Variants in IGSF9B observed in about 807,000 individuals in gnomAD.
The protein encoded by IGSF9B is protein turtle homolog B.
A neutral mutation model predicts 143.7 loss-of-function variants in IGSF9B; 48 were observed. The observed-to-expected ratio is 0.33, with a 90% confidence interval of 0.26 to 0.42. IGSF9B has a LOEUF of 0.42. Ranked by LOEUF, IGSF9B falls within the 20% of genes least tolerant of loss-of-function variation. The pLI, the probability that IGSF9B is intolerant of heterozygous loss-of-function variation, is 1.00. For synonymous variants in IGSF9B, 903 were observed against 833.1 expected (o/e 1.08, Z -1.44); for missense variants, 1,706 against 1,980.0 (o/e 0.86, Z 2.63).
chr11:133,934,817 C>T (rs781305900), intron 7 of IGSF9B, among the ~76,000 whole-genome samples: 44 of 152,206 alleles, frequency 2.9e-4, no homozygotes, highest in Non-Finnish European at 5.1e-4. Context: ...CACTCCCTGT[C>T]GCTGGGTGTG....
At chr11:133,929,469 C>T (rs1304910916) in intron 12 of IGSF9B, among the ~76,000 whole-genome samples, 1 of 152,156 alleles carries the variant, frequency 6.6e-6, no homozygotes, top group African/African-American at 2.4e-5. Context: ...GGGACACAGC[C>T]ATGCCCAGAG....
intron 1 of IGSF9B, among the ~76,000 whole-genome samples, chr11:133,946,521 A>C (rs1940055112): frequency 6.6e-6 from 1 of 150,418 alleles, no homozygotes; most frequent in Non-Finnish European, 1.5e-5. Flanking sequence ...CATTCTCTTC[A>C]GCCCTACACG....
rs762856279 is a variant in IGSF9B, at chr11:133,920,284, C to T, written c.3441G>A (p.Leu1147=). Residue 1147 remains leucine, a synonymous_variant, in exon 18 of 20, where the codon CTG becomes CTA. Transcript: ENST00000533871. Reference sequence around the variant, plus strand: ...CCGGCTCAGCCGGCTCGGGGTAAGGCAGCACAGGTATGCCCATGCCTTGGC... The same window carrying T: ...CCGGCTCAGCCGGCTCGGGGTAAGGTAGCACAGGTATGCCCATGCCTTGGC... ...HTSQGMGIPV[L]PYPEPAEPGA... is the part of the protein sequence containing the mutation. 2.7e-5 allele frequency: 41 copies of T among 1,534,876 alleles called. No homozygotes were observed. The highest frequency in any genetic ancestry group is 1.1e-5 in the Non-Finnish European group (13 of 1,140,742).
At chr11:133,935,254 C>T (rs1459624698) in intron 7 of IGSF9B, among the ~76,000 whole-genome samples, 1 of 152,222 alleles carries the variant, frequency 6.6e-6, no homozygotes, top group Non-Finnish European at 1.5e-5. Context: ...CATAAGACAC[C>T]TGAGAAAAGA....
At position 133,898,000 on chromosome 11, in the gene IGSF9B, G is replaced by GA. The variant is rs1939048189; in HGVS notation, c.*11068dup. 1.3e-5 allele frequency: 2 copies of GA among 152,220 alleles called. No homozygotes were observed. The highest frequency in any genetic ancestry group is 4.8e-5 in the African/African-American group (2 of 41,442). The allele number at this position is 152,220 out of a possible 1,614,324, so 9.4% of individuals were successfully genotyped here. Reference sequence around the variant, plus strand: ...ACCCCAAACCCCTAGGGAAAAATCAGAAAGAAGACAAAATACAGCAAGATA... The same window carrying GA: ...ACCCCAAACCCCTAGGGAAAAATCAGAAAAGAAGACAAAATACAGCAAGATA... On this transcript the variant is annotated 3_prime_UTR_variant, in exon 20 of 20. Transcript: ENST00000533871.
Position 133,902,481 on chromosome 11 carries a change from A to AGATACACACACCACAC in IGSF9B, c.*6587_*6588insGTGTGGTGTGTGTATC, listed in dbSNP as rs1565409975. The stretch of plus-strand genomic sequence containing the variant: ...ACACACAGATACACACACCACACAC[A>AGATACACACACCACAC]ACACACACACACACCAGACATGCAC... On this transcript the variant is annotated 3_prime_UTR_variant, in exon 20 of 20. Transcript: ENST00000533871. Among the ~76,000 whole-genome samples the AGATACACACACCACAC allele has an allele frequency of 3.1e-5, 2 of 65,470 alleles. No homozygotes were observed. The highest frequency in any genetic ancestry group is 8.3e-5 in the Non-Finnish European group (2 of 24,088). The allele number at this position is 65,470 out of a possible 152,430, so 43.0% of individuals were successfully genotyped here. A position where few individuals can be genotyped will look rare whatever the true frequency, so the allele number is the denominator to read the frequency against.
intron 18 of IGSF9B, among the ~76,000 whole-genome samples, chr11:133,917,360 A>C (rs1488777073): frequency 6.6e-6 from 1 of 152,052 alleles, no homozygotes; most frequent in Non-Finnish European, 1.5e-5. Context: ...ACACTCAAGG[A>C]GAGGCTGACT....
In IGSF9B at chr11:133,920,368, G is replaced by C. The variant is rs1326778869; in HGVS notation, c.3357C>G (p.Ala1119=). The C allele has an allele frequency of 6.2e-7, 1 of 1,604,342 alleles. No individual in the cohort carries two copies. Among genetic ancestry groups the C allele is most frequent in the Non-Finnish European group, 8.5e-7 (1 of 1,176,038 alleles). The part of the protein sequence containing the change: ...GRGPVPAPPA[A]KWQDRPMQPL... ...GTTGCATAGGTCTGTCCTGCCACTTGGCGGCGGGGGGCGCTGGGACAGGGC... is the reference window on the plus strand; with the variant it reads ...GTTGCATAGGTCTGTCCTGCCACTTCGCGGCGGGGGGCGCTGGGACAGGGC... The change falls in exon 18 of 20, where the codon GCC becomes GCG. Residue 1119 remains alanine, a synonymous_variant. Coordinates refer to ENST00000533871, the MANE Select transcript of IGSF9B (RefSeq NM_001277285.4).
chr11:133,942,985 C>T (rs985090145), intron 3 of IGSF9B, among the ~76,000 whole-genome samples: 1 of 152,196 alleles, frequency 6.6e-6, no homozygotes. Context: ...TAACATATTC[C>T]GTTCTTCCAG....
intron 1 of IGSF9B, among the ~76,000 whole-genome samples, chr11:133,950,204 C>T (rs1207024509): frequency 2.0e-5 from 3 of 152,170 alleles, no homozygotes; most frequent in Admixed American, 6.5e-5. Flanking sequence ...GGAGCTCCTC[C>T]GCCGGGGAAG....
Position 133,936,180 on chromosome 11 carries a change from C to T in IGSF9B, c.694G>A (p.Val232Ile), listed in dbSNP as rs766714994. Residue 232 changes from valine (V) to isoleucine (I), a missense_variant, in exon 6 of 20, where the codon GTC becomes ATC. Transcript: ENST00000533871. ...HLLVQGPPFI[V>I]SPPENITVNI... Reference sequence around the variant, plus strand: ...ACGGTGATGTTCTCAGGAGGGGAGACGATGAAAGGGGGCCCTGGGGAGAGC... The same window carrying T: ...ACGGTGATGTTCTCAGGAGGGGAGATGATGAAAGGGGGCCCTGGGGAGAGC... 29 of 1,610,458 alleles carry T rather than the reference C, an allele frequency of 1.8e-5. No individual in the cohort carries two copies. The highest frequency in any genetic ancestry group is 1.6e-4 in the Middle Eastern group (1 of 6,078).
rs776392887 is a variant in IGSF9B, at chr11:133,902,015, AT to A, written c.*7053del. ...CATCACACACACACACACACCAGAC[AT>A]ACACACACCATACCACACACCACAC... On this transcript the variant is annotated 3_prime_UTR_variant, in exon 20 of 20. Transcript: ENST00000533871. 5.7e-5 allele frequency among the ~76,000 whole-genome samples: 7 copies of A among 123,484 alleles called. No homozygotes were observed. The highest frequency in any genetic ancestry group is 2.1e-4 in the African/African-American group (6 of 28,258). 81.0% of individuals were successfully genotyped at this position (123,484 alleles called of 152,430 possible).
intron 18 of IGSF9B, among the ~76,000 whole-genome samples, chr11:133,917,991 G>C (rs1479664541): frequency 6.6e-6 from 1 of 151,018 alleles, no homozygotes; most frequent in East Asian, 2.0e-4. Flanking sequence ...GGCTGGCGAG[G>C]CTGGCGAGGA....
Position 133,902,658 on chromosome 11 carries a change from G to A in IGSF9B, c.*6411C>T, listed in dbSNP as rs190122854. On this transcript the variant is annotated 3_prime_UTR_variant, in exon 20 of 20. Coordinates refer to ENST00000533871, the MANE Select transcript of IGSF9B (RefSeq NM_001277285.4). The stretch of plus-strand genomic sequence containing the variant: ...CTGGCTGGGGGTTAGAGACCAGGGG[G>A]ACAACCTGGTGCCTGCAGAAGGACA... Among the ~76,000 whole-genome samples, 678 of 150,918 alleles carry A rather than the reference G, an allele frequency of 4.5e-3. 3 individuals are homozygous for A. The highest frequency in any genetic ancestry group is 6.4e-3 in the Non-Finnish European group (434 of 67,590).
At chr11:133,918,682 C>T (rs1325156081) in intron 18 of IGSF9B, among the ~76,000 whole-genome samples, 1 of 144,814 alleles carries the variant, frequency 6.9e-6, no homozygotes, top group African/African-American at 2.6e-5. Context: ...AGGGGGAGGG[C>T]GCTGGGCTCC....
Position 133,936,200 on chromosome 11 carries a change from G to A in IGSF9B, c.680-6C>T, listed in dbSNP as rs781763689. 1.2e-6 allele frequency: 2 copies of A among 1,606,282 alleles called. No individual in the cohort carries two copies. Among genetic ancestry groups the A allele is most frequent in the Non-Finnish European group, 1.7e-6 (2 of 1,176,598 alleles). ...GGAGACGATGAAAGGGGGCCCTGGG[G>A]AGAGCAGGGAACAAACCCCACCTCG... is the stretch of plus-strand genomic sequence containing the variant. On this transcript the variant is annotated splice_region_variant and splice_polypyrimidine_tract_variant and intron_variant, in intron 5 of 19. Coordinates refer to ENST00000533871, the MANE Select transcript of IGSF9B (RefSeq NM_001277285.4).
rs940785489 is a variant in IGSF9B, at chr11:133,907,423, G to A, written c.*1646C>T. 1.8e-4 allele frequency among the ~76,000 whole-genome samples: 27 copies of A among 152,224 alleles called. No homozygotes were observed. The highest frequency in any genetic ancestry group is 7.3e-5 in the Non-Finnish European group (5 of 68,046). ...TGGCTCACGTCCAAGCAGGGAACTC[G>A]GGAGAGGTGGGTGCCCCCAAACCCA... On this transcript the variant is annotated 3_prime_UTR_variant, in exon 20 of 20. Transcript: ENST00000533871.
intron 3 of IGSF9B, 164 bp from the exon 4 acceptor site, chr11:133,938,125 G>A (rs1410065808): frequency 2.8e-6 from 2 of 727,104 alleles, no homozygotes; most frequent in East Asian, 2.7e-5. Flanking sequence ...CAACATCACT[G>A]GCAGGGAGAC....
rs983645160 is a variant in IGSF9B, at chr11:133,901,190, T to C, written c.*7879A>G. 1.1e-4 allele frequency: 16 copies of C among 152,348 alleles called. No homozygotes were observed. Among genetic ancestry groups the C allele is most frequent in the African/African-American group, 3.1e-4 (13 of 41,562 alleles). The allele number at this position is 152,348 out of a possible 1,614,324, so 9.4% of individuals were successfully genotyped here. A position where few individuals can be genotyped will look rare whatever the true frequency, so the allele number is the denominator to read the frequency against. ...CTTGTCCTTCCTGCAGGTGGGTTATTTGTTTTGTTATTTTACAAACTTTTC... is the reference window on the plus strand; with the variant it reads ...CTTGTCCTTCCTGCAGGTGGGTTATCTGTTTTGTTATTTTACAAACTTTTC... On this transcript the variant is annotated 3_prime_UTR_variant, in exon 20 of 20. Coordinates refer to ENST00000533871, the MANE Select transcript of IGSF9B (RefSeq NM_001277285.4).
Sources: gnomAD v4.1 joint callset for allele counts (sites outside exome capture counted in the v4.1 genomes callset) on GRCh38, gnomAD v4.1.1 for gene constraint, MANE v1.5 for transcripts, NCBI Gene and HGNC (gene_info 2026-07-23, HGNC 2026-07-21) for gene names.